Variants in ZFYVE28 observed in about 807,000 individuals in gnomAD.
ZFYVE28 encodes zinc finger FYVE-type containing 28, also known as lateral signaling target protein 2 homolog.
In ZFYVE28, 40 loss-of-function variants were observed where a neutral mutation model predicts 82.1. The ratio of observed to expected loss-of-function variants is 0.49; its 90% CI spans 0.38 to 0.63. ZFYVE28 has a LOEUF of 0.63. Among genes scored for constraint, ZFYVE28 ranks in the 30% least tolerant of loss-of-function variants. The pLI is 0.00. For synonymous variants in ZFYVE28, 612 were observed against 546.1 expected (o/e 1.12, Z -1.68); for missense variants, 1,321 against 1,242.1 (o/e 1.06, Z -0.96).
intron 1 of ZFYVE28, among the ~76,000 whole-genome samples, chr4:2,384,076 G>A (rs905107828): frequency 6.6e-6 from 1 of 152,210 alleles, no homozygotes; most frequent in Non-Finnish European, 1.5e-5. Context: ...TCCCACACAG[G>A]CAGAGTGATT....
In ZFYVE28 at chr4:2,368,968, C is replaced by T. The variant is rs553590308; in HGVS notation, c.40-14895G>A. Among the ~76,000 whole-genome samples, 466 of 152,348 alleles carry T rather than the reference C, an allele frequency of 3.1e-3. 1 individual carries two copies. The highest frequency in any genetic ancestry group is 0.01 in the African/African-American group (434 of 41,584). On this transcript the variant is annotated intron_variant, in intron 1 of 12. Coordinates refer to ENST00000290974, the MANE Select transcript of ZFYVE28 (RefSeq NM_020972.3). ...CAGGGCTCTGATTTCCCTATGTCTT[C>T]GCCAACACTTGTTATTATCTGACTT...
rs1163938835 is a variant in ZFYVE28 at position 2,391,375 on chromosome 4, C to T, written c.39+26910G>A. Among the ~76,000 whole-genome samples the T allele has an allele frequency of 6.6e-5, 10 of 150,918 alleles. 1 individual carries two copies. The highest frequency in any genetic ancestry group is 4.2e-4 in the South Asian group (2 of 4,752). ...CCGTCCTGGGGCCATTGTTCCCATACGTTTACCTCTACGTACATAACAGAT... is the reference window on the plus strand; with the variant it reads ...CCGTCCTGGGGCCATTGTTCCCATATGTTTACCTCTACGTACATAACAGAT... On this transcript the variant is annotated intron_variant, in intron 1 of 12. Coordinates refer to ENST00000290974, the MANE Select transcript of ZFYVE28 (RefSeq NM_020972.3).
rs563154998 is a variant in ZFYVE28 at position 2,318,612 on chromosome 4, G to A, written c.803+1558C>T. Among the ~76,000 whole-genome samples, 5 of 152,252 alleles carry A rather than the reference G, an allele frequency of 3.3e-5. No individual in the cohort carries two copies. The East Asian group carries it at 7.7e-4, about 24-fold the overall frequency. On this transcript the variant is annotated intron_variant, in intron 7 of 12. Transcript: ENST00000290974. Reference sequence around the variant, plus strand: ...TTCTCACTGTTTTCCCTGGGTGGGCGGGGGGCACAAGCAGCAGTTCCATCG... The same window carrying A: ...TTCTCACTGTTTTCCCTGGGTGGGCAGGGGGCACAAGCAGCAGTTCCATCG...
At chr4:2,318,636 C>T (rs1350120159) in intron 7 of ZFYVE28, among the ~76,000 whole-genome samples, 3 of 152,280 alleles carry the variant, frequency 2.0e-5, no homozygotes, top group East Asian at 1.9e-4. Flanking sequence ...GCAGTTCCAT[C>T]GGGGCGGCAG....
intron 8 of ZFYVE28, among the ~76,000 whole-genome samples, chr4:2,275,146 C>T (rs1736295759): frequency 6.6e-6 from 1 of 152,190 alleles, no homozygotes; most frequent in African/African-American, 2.4e-5. Flanking sequence ...AGACCTCAGG[C>T]TCTGTCCGTG....
rs536248999 is a variant in ZFYVE28 at position 2,408,091 on chromosome 4, A to T, written c.39+10194T>A. Among the ~76,000 whole-genome samples the T allele has an allele frequency of 6.6e-6, 1 of 152,238 alleles. No individual in the cohort carries two copies. Among genetic ancestry groups the T allele is most frequent in the African/African-American group, 2.4e-5 (1 of 41,544 alleles). ...AGGTGACCCTGTGCTGAAGTGGCCT[A>T]TGGGGCTTTCCTGGCCCCCTGGCCT... On this transcript the variant is annotated intron_variant, in intron 1 of 12. Coordinates refer to ENST00000290974, the MANE Select transcript of ZFYVE28 (RefSeq NM_020972.3). The surrounding 1 kb of genome is among the most constrained non-coding windows in gnomAD (Gnocchi z 4.3).
chr4:2,365,382 C>G (rs926077798), intron 1 of ZFYVE28, among the ~76,000 whole-genome samples: 1 of 152,104 alleles, frequency 6.6e-6, no homozygotes, highest in Non-Finnish European at 1.5e-5. Context: ...CCCCAACTAC[C>G]TGCACGCAGC....
At chr4:2,330,930 C>A in intron 6 of ZFYVE28, 2 of 1,534,786 alleles carry the variant, frequency 1.3e-6, no homozygotes, top group Non-Finnish European at 1.7e-6. Flanking sequence ...GCAGAGATGA[C>A]ACCTTGTTTT....
chr4:2,323,212 T>C (rs376044518), intron 6 of ZFYVE28, among the ~76,000 whole-genome samples: 26 of 152,204 alleles, frequency 1.7e-4, no homozygotes, highest in African/African-American at 6.3e-4. Flanking sequence ...CCCCACGTAT[T>C]CTTTTCCATT....
chr4:2,368,202 A>AGCC (rs1560294311), intron 1 of ZFYVE28, among the ~76,000 whole-genome samples: 1 of 127,050 alleles, frequency 7.9e-6, no homozygotes, highest in East Asian at 2.3e-4. Flanking sequence ...ACAAAGCAAC[A>AGCC]CATCTCTACA....
At chr4:2,307,842 T>A (rs865922246) in intron 7 of ZFYVE28, among the ~76,000 whole-genome samples, 2 of 152,168 alleles carry the variant, frequency 1.3e-5, no homozygotes, top group African/African-American at 4.8e-5. Flanking sequence ...CTGGAGTTGA[T>A]TTTTGTGTAC....
In ZFYVE28 at chr4:2,411,222, G is replaced by GC. The variant is rs60299992; in HGVS notation, c.39+7062dup. Among the ~76,000 whole-genome samples the GC allele has an allele frequency of 2.6e-3, 395 of 150,206 alleles. 2 individuals are homozygous for GC. The highest frequency in any genetic ancestry group is 9.4e-3 in the African/African-American group (386 of 41,118). On this transcript the variant is annotated intron_variant, in intron 1 of 12. Coordinates refer to ENST00000290974, the MANE Select transcript of ZFYVE28 (RefSeq NM_020972.3). ...ACCCATGTTCCTTGTCCATGGAGGG[G>GC]CCCCCCCACTTGATGTGTCCCCTAC...
At chr4:2,272,895 G>A (rs1006001536) in intron 10 of ZFYVE28, among the ~76,000 whole-genome samples, 1 of 152,212 alleles carries the variant, frequency 6.6e-6, no homozygotes, top group Non-Finnish European at 1.5e-5. Context: ...CATGGGCCCT[G>A]GCCCATCTGC....
At chr4:2,274,750 C>T (rs1257749597) in intron 8 of ZFYVE28, among the ~76,000 whole-genome samples, 8 of 152,174 alleles carry the variant, frequency 5.3e-5, no homozygotes, top group African/African-American at 4.8e-5. Context: ...CAAAGACAAA[C>T]GTCCTTATAA....
rs931036080 is a variant in ZFYVE28 at position 2,408,680 on chromosome 4, C to T, written c.39+9605G>A. On this transcript the variant is annotated intron_variant, in intron 1 of 12. Transcript: ENST00000290974. This position sits in a 1 kb window ranked among gnomAD's most constrained non-coding sequence, Gnocchi z 4.3. Reference sequence around the variant, plus strand: ...AGATAGAGTCCCGCCCAGATGAGTACCACCCAGGTAAGCCTGCCTAGATGA... The same window carrying T: ...AGATAGAGTCCCGCCCAGATGAGTATCACCCAGGTAAGCCTGCCTAGATGA... Among the ~76,000 whole-genome samples the T allele has an allele frequency of 6.6e-6, 1 of 152,132 alleles. No homozygotes were observed. Among genetic ancestry groups the T allele is most frequent in the African/African-American group, 2.4e-5 (1 of 41,414 alleles).
In ZFYVE28 at chr4:2,417,435, C is replaced by T. The variant is rs1310617698; in HGVS notation, c.39+850G>A. On this transcript the variant is annotated intron_variant, in intron 1 of 12. Transcript: ENST00000290974. The surrounding 1 kb of genome is among the most constrained non-coding windows in gnomAD (Gnocchi z 4.8). ...GCCCGCAGTGCGACTGGCGCAGCCG[C>T]TGAGGCACGGGGCGCGCCGCCCGGA... 2.0e-5 allele frequency among the ~76,000 whole-genome samples: 3 copies of T among 150,422 alleles called. No homozygotes were observed. Among genetic ancestry groups the T allele is most frequent in the Non-Finnish European group, 4.4e-5 (3 of 67,442 alleles).
chr4:2,337,485 G>A lies in ZFYVE28; in HGVS notation c.533C>T (p.Ala178Val). ...CCTGGGGGACTTCACAGGCACCATG[G>A]CCGAGACGTAGCTGCAAACACATGG... ...FAEFELSYVS[A>V]MVPVKSPREY... The change falls in exon 5 of 13, where the codon GCC becomes GTC. Residue 178 changes from alanine to valine, a missense_variant. Around this residue, in one of 2 missense-constraint regions of ZFYVE28, gnomAD observed 343 missense variants for 408.4 expected, o/e 0.84. Coordinates refer to ENST00000290974, the MANE Select transcript of ZFYVE28 (RefSeq NM_020972.3). 4 of 1,607,284 alleles carry A rather than the reference G, an allele frequency of 2.5e-6. No individual in the cohort carries two copies. Among genetic ancestry groups the A allele is most frequent in the Non-Finnish European group, 3.4e-6 (4 of 1,176,548 alleles).
intron 1 of ZFYVE28, among the ~76,000 whole-genome samples, chr4:2,385,360 C>G (rs1306626570): frequency 2.0e-5 from 3 of 151,516 alleles, no homozygotes; most frequent in Non-Finnish European, 4.4e-5. Context: ...GCTGCCCTTA[C>G]AGCCCCAGCG....
intron 7 of ZFYVE28, among the ~76,000 whole-genome samples, chr4:2,318,221 A>T (rs1213371697): frequency 6.6e-6 from 1 of 152,116 alleles, no homozygotes; most frequent in East Asian, 1.9e-4. Flanking sequence ...CCAGGCTCTT[A>T]GTTCACCCAG....
Sources: allele counts gnomAD v4.1 joint callset (sites outside exome capture counted in the v4.1 genomes callset), GRCh38; gene constraint gnomAD v4.1.1; regional missense constraint gnomAD v4.1.1; non-coding constraint Gnocchi (gnomAD v3.1); transcripts MANE v1.5; gene names NCBI Gene and HGNC (gene_info 2026-07-23, HGNC 2026-07-21).